FHIP2A: variants seen among roughly 807,000 people sequenced by gnomAD.
FHIP2A encodes FHF complex subunit HOOK interacting protein 2A, also known as family with sequence similarity 160 member B1.
A neutral mutation model predicts 93.5 loss-of-function variants in FHIP2A; 46 were observed. The ratio of observed to expected loss-of-function variants is 0.49; its 90% confidence interval spans 0.39 to 0.63. The LOEUF is 0.63. Ranked by LOEUF, FHIP2A falls within the 20% of genes least tolerant of loss-of-function variation. The pLI is 0.00. For synonymous variants in FHIP2A, 332 were observed against 326.5 expected, an observed-to-expected ratio of 1.02 and a Z score of -0.18; for missense variants, 769 against 909.7, an observed-to-expected ratio of 0.85 and a Z score of 1.99.
chr10:114,847,401 GC>G (rs1441069218), intron 12 of FHIP2A, among the ~76,000 whole-genome samples, 168 bp downstream of exon 12: 1 of 151,898 alleles, frequency 6.6e-6, no homozygotes, highest in Non-Finnish European at 1.5e-5. Context: ...CGATTCTCCT[GC>G]CCCAGCCTCC....
chr10:114,837,440 G>A (rs1184868324), intron 5 of FHIP2A, among the ~76,000 whole-genome samples: 4 of 152,166 alleles, frequency 2.6e-5, no homozygotes, highest in Admixed American at 6.5e-5. Context: ...CCTTGAACCC[G>A]GGAGGTGGAG....
At chr10:114,858,519 T>A (rs1298292333) in intron 14 of FHIP2A, among the ~76,000 whole-genome samples, 1 of 152,118 alleles carries the variant, frequency 6.6e-6, no homozygotes, top group African/African-American at 2.4e-5. Flanking sequence ...CTAAAAATCT[T>A]AACTACCTGC....
intron 13 of FHIP2A, among the ~76,000 whole-genome samples, chr10:114,849,340 C>T (rs1185506300): frequency 2.6e-5 from 4 of 152,030 alleles, no homozygotes; most frequent in Non-Finnish European, 2.9e-5. Flanking sequence ...TTCTACCCAC[C>T]ATGCACCCTT....
chr10:114,825,460 A>G (rs1320095493), intron 1 of FHIP2A, among the ~76,000 whole-genome samples: 1 of 152,234 alleles, frequency 6.6e-6, no homozygotes, highest in East Asian at 1.9e-4. Flanking sequence ...TATGACTAAG[A>G]TATTTTCCAA....
At chr10:114,833,798 C>T (rs758450232) in intron 3 of FHIP2A, among the ~76,000 whole-genome samples, 7 of 152,124 alleles carry the variant, frequency 4.6e-5, no homozygotes, top group Middle Eastern at 3.2e-3. Flanking sequence ...TAAGTGGAGC[C>T]AATTTATATT....
Position 114,862,797 on chromosome 10 carries a change from C to T in FHIP2A, c.*1257C>T, listed in dbSNP as rs566065342. ...TTTGTTTTTATTTGACATGTTAAGC[C>T]GCAGCACTTTCTTCTTCATCTTTCC... On this transcript the variant is annotated 3_prime_UTR_variant, in exon 17 of 17. Coordinates refer to ENST00000369248, the MANE Select transcript of FHIP2A (RefSeq NM_020940.4). 3.9e-5 allele frequency: 38 copies of T among 985,328 alleles called. No homozygotes were observed. In the African/African-American group the frequency reaches 4.9e-4, roughly 13 times the overall value. The allele number at this position is 985,328 out of a possible 1,614,324, so 61.0% of individuals were successfully genotyped here.
chr10:114,881,224 G>T (rs1170079766), intron 16 of FHIP2A, among the ~76,000 whole-genome samples: 1 of 152,136 alleles, frequency 6.6e-6, no homozygotes, highest in South Asian at 2.1e-4. Flanking sequence ...CCTGTTTTAT[G>T]CCTTTGATTT....
At chr10:114,825,320 C>T (rs1343697673) in intron 1 of FHIP2A, among the ~76,000 whole-genome samples, 1 of 152,182 alleles carries the variant, frequency 6.6e-6, no homozygotes, top group Non-Finnish European at 1.5e-5. Context: ...AGCCATCATA[C>T]CTGGCCCAAA....
chr10:114,855,517 A>T (rs2083761849), intron 14 of FHIP2A, among the ~76,000 whole-genome samples, 177 bp downstream of exon 14: 1 of 152,178 alleles, frequency 6.6e-6, no homozygotes, highest in Non-Finnish European at 1.5e-5. Flanking sequence ...TGCATTCTGT[A>T]TGTTAAAAAC....
intron 16 of FHIP2A, among the ~76,000 whole-genome samples, chr10:114,874,283 ATC>A (rs2083873342): frequency 2.0e-5 from 3 of 152,210 alleles, no homozygotes; most frequent in Non-Finnish European, 4.4e-5. Context: ...TCCCAAAGGA[ATC>A]ACATCCTAAC....
At chr10:114,833,447 A>C (rs367953662) in intron 3 of FHIP2A, 45 bp downstream of exon 3, 2 of 1,519,192 alleles carry the variant, frequency 1.3e-6, no homozygotes, top group Non-Finnish European at 1.8e-6. Context: ...TAGTACATGC[A>C]TTAATGTCTT....
At chr10:114,835,729 AATGAAAT>A in intron 4 of FHIP2A, 88 bp downstream of exon 4, 1 of 862,620 alleles carries the variant, frequency 1.2e-6, no homozygotes, top group Non-Finnish European at 1.7e-6. Context: ...GAGTAAAAAT[AATGAAAT>A]TATTCCAAAA....
downstream of FHIP2A, among the ~76,000 whole-genome samples, chr10:114,868,696 A>G (rs1235577590): frequency 6.6e-6 from 1 of 152,166 alleles, no homozygotes; most frequent in Non-Finnish European, 1.5e-5. Context: ...CTTTGCTCTT[A>G]TATCAGAGGG....
At chr10:114,851,422 A>AT (rs574234235) in intron 13 of FHIP2A, among the ~76,000 whole-genome samples, 5 of 151,646 alleles carry the variant, frequency 3.3e-5, no homozygotes, top group Non-Finnish European at 7.4e-5. Context: ...GTCCAGATTC[A>AT]TTTTTTTTAC....
At chr10:114,822,628 G>C (rs1035371568) in intron 1 of FHIP2A, among the ~76,000 whole-genome samples, 1 of 152,248 alleles carries the variant, frequency 6.6e-6, no homozygotes, top group African/African-American at 2.4e-5. Flanking sequence ...GAGAGGCATG[G>C]TCTCGCTGTG....
At chr10:114,831,003 T>G in intron 2 of FHIP2A, 73 bp downstream of exon 2, 1 of 817,908 alleles carries the variant, frequency 1.2e-6, no homozygotes, top group Non-Finnish European at 1.9e-6. Flanking sequence ...ACTAAAATAT[T>G]TTTAAGTAAG....
At chr10:114,850,721 T>A (rs986771714) in intron 13 of FHIP2A, among the ~76,000 whole-genome samples, 2 of 152,060 alleles carry the variant, frequency 1.3e-5, no homozygotes, top group Non-Finnish European at 2.9e-5. Flanking sequence ...AAAAATTCCT[T>A]TGCCTGTGTT....
Position 114,857,314 on chromosome 10 carries a change from C to CTTTTTTTTTTTTTTTTTTTTTTTTTTTT in FHIP2A, c.1947+1986_1947+1987insTTTTTTTTTTTTTTTTTTTTTTTTTTTT, listed in dbSNP as rs78583275. On this transcript the variant is annotated intron_variant, in intron 14 of 16. Coordinates refer to ENST00000369248, the MANE Select transcript of FHIP2A (RefSeq NM_020940.4). Reference sequence around the variant, plus strand: ...TTTCTTTCTCTCCCTATTTCTTCTTCTTTTTTTTTTTTCTGAGACCGAGTC... The same window carrying CTTTTTTTTTTTTTTTTTTTTTTTTTTTT: ...TTTCTTTCTCTCCCTATTTCTTCTTCTTTTTTTTTTTTTTTTTTTTTTTTTTTTTTTTTTTTTTTTCTGAGACCGAGTC... 5.0e-4 allele frequency among the ~76,000 whole-genome samples: 60 copies of CTTTTTTTTTTTTTTTTTTTTTTTTTTTT among 120,666 alleles called. 5 individuals carry two copies. The highest frequency in any genetic ancestry group is 6.7e-4 in the Non-Finnish European group (37 of 55,272). 79.2% of individuals were successfully genotyped at this position (120,666 alleles called of 152,430 possible). A position where few individuals can be genotyped will look rare whatever the true frequency, so the allele number is the denominator to read the frequency against.
At chr10:114,881,111 C>A (rs140404801) in intron 16 of FHIP2A, among the ~76,000 whole-genome samples, 1 of 152,200 alleles carries the variant, frequency 6.6e-6, no homozygotes, top group Non-Finnish European at 1.5e-5. Flanking sequence ...CCTGAACTAA[C>A]GAGGGGGCTG....
Sources: gnomAD v4.1 joint callset for allele counts (sites outside exome capture counted in the v4.1 genomes callset) on GRCh38, gnomAD v4.1.1 for gene constraint, MANE v1.5 for transcripts, NCBI Gene and HGNC (gene_info 2026-07-23, HGNC 2026-07-21) for gene names.